TOM1L2: variants seen among roughly 807,000 people sequenced by gnomAD.
TOM1L2 encodes the protein TOM1-like protein 2.
TOM1L2 carries 31 observed loss-of-function variants against 67.9 expected under a neutral mutation model. The ratio of observed to expected loss-of-function variants is 0.46; its 90% CI spans 0.34 to 0.62. TOM1L2 has a LOEUF of 0.62. TOM1L2 is among the 20% of genes least tolerant of loss of function. TOM1L2 has a pLI of 0.01. For synonymous variants in TOM1L2, 256 were observed against 254.0 expected, an observed-to-expected ratio of 1.01 and a Z score of -0.07; for missense variants, 606 against 663.5, an observed-to-expected ratio of 0.91 and a Z score of 0.95.
chr17:17,971,436 T>C (rs1206918714), intron 1 of TOM1L2, among the ~76,000 whole-genome samples: 1 of 152,056 alleles, frequency 6.6e-6, no homozygotes, highest in African/African-American at 2.4e-5. Context: ...ACTGCAGGCA[T>C]GCCATCCCCC....
At chr17:17,969,079 CAG>C (rs1351225774) in intron 1 of TOM1L2, among the ~76,000 whole-genome samples, 1 of 145,052 alleles carries the variant, frequency 6.9e-6, no homozygotes, top group African/African-American at 2.6e-5. Context: ...TTTTTGGAGA[CAG>C]AGTCTCACTC....
At chr17:17,917,937 A>T (rs2039698053) in intron 1 of TOM1L2, among the ~76,000 whole-genome samples, 1 of 152,166 alleles carries the variant, frequency 6.6e-6, no homozygotes, top group Non-Finnish European at 1.5e-5. Flanking sequence ...CCTGGGCAAC[A>T]CAATGAGGCT....
chr17:17,869,707 A>T, intron 7 of TOM1L2: 3 of 1,339,616 alleles, frequency 2.2e-6, no homozygotes, highest in Admixed American at 6.7e-5. Flanking sequence ...ATACTGTTGT[A>T]TGTATACAAG....
intron 1 of TOM1L2, among the ~76,000 whole-genome samples, chr17:17,946,193 A>G (rs759692024): frequency 1.8e-4 from 27 of 152,270 alleles, no homozygotes; most frequent in Non-Finnish European, 3.1e-4. Context: ...TCAATTTTGT[A>G]TAAGAGCTTT....
chr17:17,851,099 CA>C, intron 12 of TOM1L2, 147 bp from the exon 13 acceptor site: 2 of 807,668 alleles, frequency 2.5e-6, no homozygotes, highest in Non-Finnish European at 4.1e-6. Flanking sequence ...GCACAGCACA[CA>C]GGGGCAACAC....
At chr17:17,921,751 C>T (rs902118363) in intron 1 of TOM1L2, among the ~76,000 whole-genome samples, 1 of 1,600 alleles carries the variant, frequency 6.3e-4, no homozygotes, top group East Asian at 0.017. Flanking sequence ...AAAGTGGGGG[C>T]GGGGTGGGGG....
At chr17:17,852,911 A>G (rs911998335) in intron 12 of TOM1L2, among the ~76,000 whole-genome samples, 2 of 151,160 alleles carry the variant, frequency 1.3e-5, no homozygotes, top group East Asian at 3.9e-4. Flanking sequence ...TTGAAAAGGT[A>G]TCAGGGAGTC....
At chr17:17,945,354 T>A (rs889854439) in intron 1 of TOM1L2, among the ~76,000 whole-genome samples, 4 of 152,126 alleles carry the variant, frequency 2.6e-5, no homozygotes, top group African/African-American at 9.7e-5. Context: ...AATATATATA[T>A]GGCTCAGAAA....
rs575408509 is a variant in TOM1L2 at position 17,914,199 on chromosome 17, G to A, written c.53-6668C>T. Among the ~76,000 whole-genome samples the A allele has an allele frequency of 2.0e-4, 30 of 152,298 alleles. No individual in the cohort carries two copies. In the South Asian group the frequency reaches 5.8e-3, roughly 29 times the overall value. On this transcript the variant is annotated intron_variant, in intron 1 of 14. Transcript: ENST00000379504. The stretch of plus-strand genomic sequence containing the variant: ...ACAGCTGCAGGAAGAGCAGGGGCAG[G>A]AGGCAGGCACCATTTCACTGCTGCA...
chr17:17,896,705 G>A (rs1384207903), intron 3 of TOM1L2, among the ~76,000 whole-genome samples: 2 of 152,240 alleles, frequency 1.3e-5, no homozygotes, highest in African/African-American at 4.8e-5. Flanking sequence ...CAAAAGCCAT[G>A]GAGAAAGTAA....
At chr17:17,881,773 C>T (rs910018755) in intron 6 of TOM1L2, among the ~76,000 whole-genome samples, 1 of 152,250 alleles carries the variant, frequency 6.6e-6, no homozygotes, top group Non-Finnish European at 1.5e-5. Flanking sequence ...ACTCCTCCTG[C>T]TCTCACCGTA....
intron 1 of TOM1L2, among the ~76,000 whole-genome samples, chr17:17,911,820 TC>T (rs1478807293): frequency 6.8e-6 from 1 of 147,198 alleles, no homozygotes; most frequent in East Asian, 2.0e-4. Context: ...AGTGTTTGTG[TC>T]CCTGGGTACT....
intron 1 of TOM1L2, 48 bp downstream of exon 1, chr17:17,972,214 G>A (rs2042138545): frequency 6.5e-7 from 1 of 1,547,410 alleles, no homozygotes; most frequent in Admixed American, 2.0e-5. Flanking sequence ...TCACCAGCCG[G>A]ATCAGCGGCC....
intron 1 of TOM1L2, among the ~76,000 whole-genome samples, chr17:17,968,537 C>A (rs1337446989): frequency 1.3e-5 from 2 of 152,044 alleles, no homozygotes; most frequent in African/African-American, 4.8e-5. Flanking sequence ...CGGTGCCAGG[C>A]ACCAGTAATC....
At chr17:17,879,813 C>T (rs1315466231) in intron 6 of TOM1L2, 70 bp from the exon 7 acceptor site, 10 of 1,282,662 alleles carry the variant, frequency 7.8e-6, no homozygotes, top group Non-Finnish European at 1.0e-5. Context: ...ATATCAGAAT[C>T]AGCTTGCTCC....
At chr17:17,873,828 G>A (rs188108612) in intron 7 of TOM1L2, among the ~76,000 whole-genome samples, 10 of 152,330 alleles carry the variant, frequency 6.6e-5, no homozygotes, top group East Asian at 5.8e-4. Context: ...ATGCTGCAGC[G>A]GCCTCCATGG....
At chr17:17,960,683 G>C (rs1212519464) in intron 1 of TOM1L2, among the ~76,000 whole-genome samples, 1 of 152,082 alleles carries the variant, frequency 6.6e-6, no homozygotes, top group Non-Finnish European at 1.5e-5. Context: ...TTTAAAATAT[G>C]ACTGACAGGC....
At position 17,972,324 on chromosome 17, in the gene TOM1L2, C is replaced by A. The variant is rs1290317655; in HGVS notation, c.-11G>T. ...CAGGAGGAACTCCATCTTGGGTGGA[C>A]AACACGCAGCGGCCCGGGCCCCCTG... On this transcript the variant is annotated 5_prime_UTR_variant, in exon 1 of 15. Transcript: ENST00000379504. 1.7e-5 allele frequency: 26 copies of A among 1,550,152 alleles called. No individual in the cohort carries two copies. The highest frequency in any genetic ancestry group is 2.2e-5 in the Non-Finnish European group (25 of 1,147,524).
At chr17:17,946,575 A>C (rs1820754763) in intron 1 of TOM1L2, among the ~76,000 whole-genome samples, 1 of 152,170 alleles carries the variant, frequency 6.6e-6, no homozygotes. Flanking sequence ...TGATATATTT[A>C]AAACTTAATC....
Sources: gnomAD v4.1 joint callset for allele counts (sites outside exome capture counted in the v4.1 genomes callset) on GRCh38, gnomAD v4.1.1 for gene constraint, MANE v1.5 for transcripts, NCBI Gene and HGNC (gene_info 2026-07-23, HGNC 2026-07-21) for gene names.